The following WDPCP variants were observed in gnomAD, a reference collection of about 807,000 sequenced individuals.
WDPCP encodes WD repeat containing planar cell polarity effector.
A neutral mutation model predicts 93.1 loss-of-function variants in WDPCP; 71 were observed. The observed-to-expected ratio is 0.76, with a 90% CI of 0.63 to 0.93. The LOEUF (loss-of-function observed/expected upper bound fraction) is 0.93. Among genes scored for constraint, WDPCP ranks in the 40% least tolerant of loss-of-function variants. The pLI is 0.00. For synonymous variants in WDPCP, 315 were observed against 315.0 expected (o/e 1.00, Z 0.00); for missense variants, 844 against 887.4 (o/e 0.95, Z 0.62).
At chr2:63,619,233 A>G (rs1709706210) in intron 3 of WDPCP, among the ~76,000 whole-genome samples, 1 of 152,222 alleles carries the variant, frequency 6.6e-6, no homozygotes, top group African/African-American at 2.4e-5. Flanking sequence ...TTAAACTGAT[A>G]TCAGTATGTT....
intron 1 of WDPCP, among the ~76,000 whole-genome samples, chr2:63,547,582 C>T (rs76891543): frequency 2.2e-5 from 2 of 89,818 alleles, no homozygotes; most frequent in East Asian, 3.4e-4. Flanking sequence ...CACACATACA[C>T]ACACAGACAC....
At chr2:63,604,983 G>A in intron 3 of WDPCP, 1 of 1,053,124 alleles carries the variant, frequency 9.5e-7, no homozygotes, top group Non-Finnish European at 1.4e-6. Flanking sequence ...TCTGATGACT[G>A]CATACTTTCG....
chr2:63,715,452 G>A (rs1443753102), intron 2 of WDPCP, among the ~76,000 whole-genome samples: 1 of 152,170 alleles, frequency 6.6e-6, no homozygotes, highest in African/African-American at 2.4e-5. Flanking sequence ...ACAATGAGAA[G>A]CTACTTTAGC....
chr2:63,685,410 A>G (rs1668791268), intron 2 of WDPCP, among the ~76,000 whole-genome samples: 1 of 152,206 alleles, frequency 6.6e-6, no homozygotes, highest in Admixed American at 6.5e-5. Context: ...CCATGAAGAA[A>G]TCCAAACCTG....
At chr2:63,146,571 G>C (rs1442833436) in intron 17 of WDPCP, among the ~76,000 whole-genome samples, 1 of 152,112 alleles carries the variant, frequency 6.6e-6, no homozygotes, top group Non-Finnish European at 1.5e-5. Context: ...TAGAGATGGG[G>C]TTTCCATGTT....
intron 11 of WDPCP, among the ~76,000 whole-genome samples, chr2:63,381,528 T>C (rs1019938004): frequency 1.1e-4 from 17 of 152,092 alleles, no homozygotes; most frequent in African/African-American, 4.1e-4. Flanking sequence ...TGATATCTAA[T>C]GTGAGGGAGG....
intron 1 of WDPCP, among the ~76,000 whole-genome samples, chr2:63,507,007 G>C (rs1202981634): frequency 6.6e-6 from 1 of 151,850 alleles, no homozygotes; most frequent in Non-Finnish European, 1.5e-5. Flanking sequence ...GAAGGAGTTT[G>C]GGTGATCAGT....
chr2:63,716,479 G>A (rs1013353335), intron 2 of WDPCP, among the ~76,000 whole-genome samples: 1 of 152,206 alleles, frequency 6.6e-6, no homozygotes, highest in Non-Finnish European at 1.5e-5. Context: ...ATTGTCCTCA[G>A]AAGTAATCTC....
chr2:63,617,449 A>G (rs1709684933), intron 3 of WDPCP, among the ~76,000 whole-genome samples: 1 of 152,132 alleles, frequency 6.6e-6, no homozygotes, highest in Admixed American at 6.5e-5. Flanking sequence ...TTAATAGGAG[A>G]AAAATAATTA....
At chr2:63,548,506 A>G (rs1402357891) in intron 1 of WDPCP, among the ~76,000 whole-genome samples, 1 of 152,228 alleles carries the variant, frequency 6.6e-6, no homozygotes, top group Non-Finnish European at 1.5e-5. Flanking sequence ...CAGCATTAAC[A>G]AATCTGTCAC....
intron 13 of WDPCP, among the ~76,000 whole-genome samples, chr2:63,282,539 C>G (rs1054317870): frequency 6.6e-6 from 1 of 151,920 alleles, no homozygotes; most frequent in Non-Finnish European, 1.5e-5. Context: ...ACACATAGAT[C>G]GATGGAACAG....
rs759349420 is a variant in WDPCP at position 63,152,984 on chromosome 2, C to T, written c.2159-39G>A. 12 of 1,591,634 alleles carry T rather than the reference C, an allele frequency of 7.5e-6. No homozygotes were observed. The South Asian group carries it at 7.9e-5, about 10-fold the overall frequency. ...TTAAAACATTAATTATCTTAAAAGT[C>T]TAATAATGGACCTTAAGAAAATTTT... On this transcript the variant is annotated intron_variant, in intron 16 of 17. Coordinates refer to ENST00000272321, the MANE Select transcript of WDPCP (RefSeq NM_015910.7).
chr2:63,685,832 A>G (rs971910288), intron 2 of WDPCP, among the ~76,000 whole-genome samples: 2 of 152,242 alleles, frequency 1.3e-5, no homozygotes, highest in African/African-American at 4.8e-5. Flanking sequence ...TACATATTAC[A>G]TCAAGAGAAT....
At chr2:63,283,583 G>A (rs1011230236) in intron 13 of WDPCP, among the ~76,000 whole-genome samples, 2 of 152,170 alleles carry the variant, frequency 1.3e-5, no homozygotes, top group Non-Finnish European at 2.9e-5. Flanking sequence ...ACTGTGGCCT[G>A]CAGAGCCTGA....
chr2:63,439,631 T>C (rs1697366919), intron 7 of WDPCP, 126 bp downstream of exon 7: 2 of 777,854 alleles, frequency 2.6e-6, no homozygotes, highest in Admixed American at 2.1e-5. Flanking sequence ...GTAAGTACGC[T>C]ATTACAAGCA....
At chr2:63,373,295 C>T (rs72815379) in intron 12 of WDPCP, among the ~76,000 whole-genome samples, 23,111 of 142,956 alleles carry the variant, frequency 0.16, 2,401 homozygotes, top group Non-Finnish European at 0.21. Flanking sequence ...CTTGCTCTGT[C>T]GCCCAGTGCA....
chr2:63,226,269 T>C (rs973274454), intron 14 of WDPCP, among the ~76,000 whole-genome samples: 9 of 151,924 alleles, frequency 5.9e-5, no homozygotes, highest in African/African-American at 1.4e-4. Flanking sequence ...GAAGGGACTC[T>C]AACCCAGAGA....
chr2:63,215,827 T>A (rs1677282287), intron 14 of WDPCP, among the ~76,000 whole-genome samples: 1 of 152,188 alleles, frequency 6.6e-6, no homozygotes. Context: ...AAAGGGCTAA[T>A]ATCCAGAATC....
At chr2:63,459,059 T>C (rs1015308280) in intron 6 of WDPCP, among the ~76,000 whole-genome samples, 2 of 152,048 alleles carry the variant, frequency 1.3e-5, no homozygotes, top group Non-Finnish European at 2.9e-5. Context: ...TCTCTCACAA[T>C]ATACAGAAGT....
Sources: gnomAD v4.1 joint callset for allele counts (sites outside exome capture counted in the v4.1 genomes callset) on GRCh38, gnomAD v4.1.1 for gene constraint, MANE v1.5 for transcripts, NCBI Gene and HGNC (gene_info 2026-07-23, HGNC 2026-07-21) for gene names.